The following DLG2 variants were observed in gnomAD, a reference collection of about 807,000 sequenced individuals.
DLG2 encodes the protein disks large homolog 2.
Under a neutral mutation model 132.5 loss-of-function variants are expected in DLG2, and 45 were observed. The ratio of observed to expected loss-of-function variants is 0.34; its 90% CI spans 0.27 to 0.44. DLG2 has a LOEUF of 0.44. DLG2 is among the 20% of genes least tolerant of loss of function. The pLI, the probability that DLG2 is intolerant of heterozygous loss-of-function variation, is 1.00. For missense variants in DLG2, 1,045 were observed against 1,196.9 expected, an observed-to-expected ratio of 0.87 and a Z score of 1.87; for synonymous variants, 424 against 419.6, an observed-to-expected ratio of 1.01 and a Z score of -0.13.
At chr11:84,461,807 G>A (rs2099081018) in intron 7 of DLG2, among the ~76,000 whole-genome samples, 2 of 150,474 alleles carry the variant, frequency 1.3e-5, no homozygotes, top group Non-Finnish European at 3.0e-5. Context: ...TTTTTCCTGT[G>A]GTAGATAGAG....
At chr11:84,322,397 A>C (rs2154397393) in intron 7 of DLG2, among the ~76,000 whole-genome samples, 1 of 152,286 alleles carries the variant, frequency 6.6e-6, no homozygotes. Context: ...TTAATTCATA[A>C]AAGCTGCACT....
intron 8 of DLG2, among the ~76,000 whole-genome samples, chr11:84,230,406 C>T (rs558430857): frequency 2.0e-5 from 3 of 152,262 alleles, no homozygotes; most frequent in African/African-American, 7.2e-5. Context: ...ATCTCAGCAT[C>T]TAGCTTGCCG....
chr11:84,416,336 C>A (rs2098929573), intron 7 of DLG2, among the ~76,000 whole-genome samples: 1 of 152,164 alleles, frequency 6.6e-6, no homozygotes, highest in Non-Finnish European at 1.5e-5. Flanking sequence ...ATCAGTGTTT[C>A]CAGAGATGTG....
chr11:85,279,840 T>G (rs768900655), intron 4 of DLG2, among the ~76,000 whole-genome samples: 6 of 152,160 alleles, frequency 3.9e-5, no homozygotes, highest in Admixed American at 1.3e-4. Context: ...GGGACTACCT[T>G]AACTCCCTTT....
chr11:83,740,940 C>A (rs2092454973), intron 18 of DLG2, among the ~76,000 whole-genome samples: 2 of 152,010 alleles, frequency 1.3e-5, no homozygotes, highest in African/African-American at 4.8e-5. Context: ...AGCAGAACAT[C>A]AAAAAGTTAA....
chr11:84,291,470 GA>G (rs2097996748), intron 7 of DLG2, among the ~76,000 whole-genome samples: 1 of 152,142 alleles, frequency 6.6e-6, no homozygotes, highest in East Asian at 1.9e-4. Context: ...TTGAAAACAT[GA>G]AAAAGTCAGT....
At chr11:84,009,804 C>T (rs188817882) in intron 11 of DLG2, among the ~76,000 whole-genome samples, 24 of 152,042 alleles carry the variant, frequency 1.6e-4, no homozygotes, top group Admixed American at 1.6e-3. Flanking sequence ...TTCACTATGC[C>T]TTATCTCATT....
At chr11:84,807,454 C>A (rs930498204) in intron 6 of DLG2, among the ~76,000 whole-genome samples, 11 of 151,524 alleles carry the variant, frequency 7.3e-5, no homozygotes, top group African/African-American at 2.7e-4. Context: ...CTCAAAAAAA[C>A]AAAAAACAAA....
In DLG2 at chr11:85,341,826, C is replaced by A. The variant is rs921305455; in HGVS notation, c.41-56461G>T. Among the ~76,000 whole-genome samples, 9 of 152,268 alleles carry A rather than the reference C, an allele frequency of 5.9e-5. No homozygotes were observed. In the East Asian group the frequency reaches 1.5e-3, roughly 26 times the overall value. On this transcript the variant is annotated intron_variant, in intron 3 of 27. Transcript: ENST00000376104. ...TACACACTTACACTATATGGTGTAG[C>A]TTATTGCTCGTAGGCTACAAACCTG...
chr11:85,065,518 T>C (rs2154162428), intron 6 of DLG2, among the ~76,000 whole-genome samples: 1 of 151,540 alleles, frequency 6.6e-6, no homozygotes, highest in South Asian at 2.1e-4. Context: ...AAACCAGGTT[T>C]CACAATCTAC....
At chr11:84,366,693 C>G (rs1414941901) in intron 7 of DLG2, among the ~76,000 whole-genome samples, 6 of 152,008 alleles carry the variant, frequency 3.9e-5, no homozygotes, top group Admixed American at 6.6e-5. Context: ...TTTAAACCAA[C>G]AAAGATCAAA....
At chr11:84,360,725 G>C (rs565278295) in intron 7 of DLG2, among the ~76,000 whole-genome samples, 1 of 151,916 alleles carries the variant, frequency 6.6e-6, no homozygotes, top group South Asian at 2.1e-4. Flanking sequence ...CAGACAGAGA[G>C]TCAGAGAGGT....
chr11:83,677,408 T>C lies in DLG2; in HGVS notation c.1826-44083A>G, dbSNP rs989942059. ...GGCATACTATGCGTTAAGTATTTAC[T>C]GTGCCAGATACTTTCATATGGAGGA... is the stretch of plus-strand genomic sequence containing the variant. On this transcript the variant is annotated intron_variant, in intron 18 of 27. Transcript: ENST00000376104. Among the ~76,000 whole-genome samples, 4 of 152,162 alleles carry C rather than the reference T, an allele frequency of 2.6e-5. No individual in the cohort carries two copies. In the East Asian group the frequency reaches 7.7e-4, roughly 29 times the overall value.
intron 6 of DLG2, among the ~76,000 whole-genome samples, chr11:84,579,346 T>A (rs1407328732): frequency 6.6e-6 from 1 of 152,104 alleles, no homozygotes; most frequent in Admixed American, 6.5e-5. Flanking sequence ...TAAAACTCAA[T>A]AATACACAGT....
intron 8 of DLG2, among the ~76,000 whole-genome samples, chr11:84,243,565 C>T (rs1483126859): frequency 6.6e-6 from 1 of 152,190 alleles, no homozygotes; most frequent in Non-Finnish European, 1.5e-5. Context: ...CTTAAATATG[C>T]ATACAAATCA....
intron 6 of DLG2, among the ~76,000 whole-genome samples, chr11:84,645,731 T>C (rs1223957153): frequency 6.6e-6 from 1 of 152,182 alleles, no homozygotes; most frequent in Non-Finnish European, 1.5e-5. Flanking sequence ...CCTCTCAAAG[T>C]GCTGGGATTA....
At chr11:84,353,170 C>T (rs148008450) in intron 7 of DLG2, among the ~76,000 whole-genome samples, 2,305 of 152,306 alleles carry the variant, frequency 0.015, 25 homozygotes, top group Non-Finnish European at 0.024. Context: ...TGCTTCTCAA[C>T]TTACTGCCAA....
At chr11:84,590,887 T>C (rs1327303554) in intron 6 of DLG2, among the ~76,000 whole-genome samples, 1 of 152,154 alleles carries the variant, frequency 6.6e-6, no homozygotes, top group Non-Finnish European at 1.5e-5. Context: ...ATCTATGAGA[T>C]CTGGGCCTGT....
chr11:84,937,619 G>A (rs2048905283), intron 6 of DLG2, among the ~76,000 whole-genome samples: 1 of 152,090 alleles, frequency 6.6e-6, no homozygotes, highest in South Asian at 2.1e-4. Flanking sequence ...CATGAGGAAA[G>A]GCATTTCTTA....
Sources: allele counts gnomAD v4.1 joint callset (sites outside exome capture counted in the v4.1 genomes callset), GRCh38; gene constraint gnomAD v4.1.1; transcripts MANE v1.5; gene names NCBI Gene and HGNC (gene_info 2026-07-23, HGNC 2026-07-21).